The following FAM53A variants were observed in gnomAD, a reference collection of about 807,000 sequenced individuals.
FAM53A encodes the protein protein FAM53A.
In FAM53A, 28 loss-of-function variants were observed where a neutral mutation model predicts 26.6. The observed-to-expected ratio is 1.05, with a 90% CI of 0.78 to 1.45. The LOEUF is 1.45. Ranked by LOEUF, FAM53A falls within the 40% of genes most tolerant of loss-of-function variation. The pLI is 0.00. For missense variants in FAM53A, 650 were observed against 575.8 expected (o/e 1.13, Z -1.32); for synonymous variants, 290 against 253.1 (o/e 1.15, Z -1.38).
chr4:1,676,023 G>C (rs1273705206), intron 1 of FAM53A, among the ~76,000 whole-genome samples: 1 of 152,236 alleles, frequency 6.6e-6, no homozygotes, highest in Non-Finnish European at 1.5e-5. Flanking sequence ...CCTCCAAAAA[G>C]GCACCAAAGC....
the FAM53A span, among the ~76,000 whole-genome samples, chr4:1,611,097 G>A: frequency 3.9e-5 from 6 of 152,228 alleles, no homozygotes; most frequent in African/African-American, 9.6e-5. Context: ...GGCACAGAAC[G>A]GGGCCTCTGG....
intron 2 of FAM53A, 80 bp from the exon 3 acceptor site, chr4:1,657,548 G>A: frequency 1.7e-6 from 2 of 1,180,024 alleles, no homozygotes; most frequent in Non-Finnish European, 2.5e-6. Flanking sequence ...CATCACTGCA[G>A]CACGTTCTAC....
the FAM53A span, among the ~76,000 whole-genome samples, chr4:1,598,895 G>C: frequency 2.0e-5 from 3 of 152,256 alleles, no homozygotes; most frequent in Non-Finnish European, 4.4e-5. Flanking sequence ...ATAAATGTTG[G>C]AGTCATGATT....
intron 1 of FAM53A, among the ~76,000 whole-genome samples, chr4:1,671,052 G>A (rs370529173): frequency 5.2e-5 from 7 of 135,746 alleles, no homozygotes; most frequent in East Asian, 2.2e-4. Flanking sequence ...CTGTCCCAGC[G>A]TCAGAGCCAC....
intron 4 of FAM53A, among the ~76,000 whole-genome samples, chr4:1,643,752 C>T (rs56145234): frequency 0.2 from 30,453 of 151,438 alleles, 3,624 homozygotes; most frequent in Middle Eastern, 0.28. Context: ...TTTTCTGTAG[C>T]GATGGGGTCT....
At chr4:1,597,977 C>T in the FAM53A span, among the ~76,000 whole-genome samples, 1 of 152,234 alleles carries the variant, frequency 6.6e-6, no homozygotes, top group African/African-American at 2.4e-5. Context: ...GCCTCGGCAA[C>T]AGAGCGAGGC....
chr4:1,614,620 C>A (rs922802099), downstream of FAM53A, among the ~76,000 whole-genome samples: 2 of 152,118 alleles, frequency 1.3e-5, no homozygotes, highest in African/African-American at 4.8e-5. Flanking sequence ...GGTCAGCCGT[C>A]GCTGCCCCTG....
chr4:1,663,982 G>A (rs771474838), intron 2 of FAM53A, among the ~76,000 whole-genome samples: 5 of 152,190 alleles, frequency 3.3e-5, no homozygotes, highest in South Asian at 2.1e-4. Flanking sequence ...CGCACGAGGC[G>A]GCAGCCGGGG....
At chr4:1,666,613 C>G (rs895260512) in intron 2 of FAM53A, among the ~76,000 whole-genome samples, 4 of 152,276 alleles carry the variant, frequency 2.6e-5, no homozygotes, top group African/African-American at 4.8e-5. Flanking sequence ...CAAAAATGTC[C>G]TCAGAGGCAC....
intron 1 of FAM53A, among the ~76,000 whole-genome samples, chr4:1,674,498 T>C (rs1714895574): frequency 6.6e-6 from 1 of 152,000 alleles, no homozygotes; most frequent in Non-Finnish European, 1.5e-5. Context: ...TGAAATCCTG[T>C]CTCTACTAAA....
Position 1,661,650 on chromosome 4 carries a change from A to AC in FAM53A, c.76-4183dup, listed in dbSNP as rs145428902. 2.3e-3 allele frequency among the ~76,000 whole-genome samples: 330 copies of AC among 144,850 alleles called. 13 individuals carry two copies. The East Asian group carries it at 0.045, about 20-fold the overall frequency. ...GGCCTTTGCCCACCCCAACATTAAG[A>AC]CCCCGCCCATCTTCCAGCACTCAGC... On this transcript the variant is annotated intron_variant, in intron 2 of 4. Coordinates refer to ENST00000308132, the MANE Select transcript of FAM53A (RefSeq NM_001174070.3).
intron 4 of FAM53A, chr4:1,644,092 ACT>A: frequency 6.9e-7 from 1 of 1,452,126 alleles, no homozygotes; most frequent in Middle Eastern, 1.8e-4. Flanking sequence ...GACCTTGCAG[ACT>A]CTGGCTGCCG....
downstream of FAM53A, among the ~76,000 whole-genome samples, chr4:1,638,772 GC>G (rs1238575064): frequency 3.1e-5 from 4 of 130,696 alleles, no homozygotes; most frequent in Non-Finnish European, 6.5e-5. Context: ...CTGGTGAGGG[GC>G]CCCTGGGCTG....
chr4:1,585,552 G>A, the FAM53A span, among the ~76,000 whole-genome samples: 1 of 151,974 alleles, frequency 6.6e-6, no homozygotes, highest in South Asian at 2.1e-4. Context: ...CCAAAGTGCT[G>A]AGATTACAGG....
the FAM53A span, among the ~76,000 whole-genome samples, chr4:1,584,651 G>A: frequency 6.6e-6 from 1 of 152,212 alleles, no homozygotes; most frequent in South Asian, 2.1e-4. Context: ...GCTGGCAATG[G>A]AGGCTGGCTG....
At chr4:1,661,916 G>A (rs561286480) in intron 2 of FAM53A, among the ~76,000 whole-genome samples, 4 of 152,208 alleles carry the variant, frequency 2.6e-5, no homozygotes, top group East Asian at 3.9e-4. Context: ...ACCGCCGGAC[G>A]GATCTCCAGG....
the FAM53A span, among the ~76,000 whole-genome samples, chr4:1,590,975 T>C: frequency 8.9e-3 from 1,130 of 126,752 alleles, 47 homozygotes; most frequent in African/African-American, 0.027. Context: ...TATATATATA[T>C]ATATATATAT....
At chr4:1,645,500 C>T (rs1418178883) in intron 4 of FAM53A, among the ~76,000 whole-genome samples, 1 of 152,244 alleles carries the variant, frequency 6.6e-6, no homozygotes, top group African/African-American at 2.4e-5. Flanking sequence ...GAGGGGCACA[C>T]AGCCTTACAA....
chr4:1,677,126 G>A lies in FAM53A; in HGVS notation c.-165+7107C>T, dbSNP rs756551303. Among the ~76,000 whole-genome samples the A allele has an allele frequency of 4.1e-4, 63 of 152,302 alleles. 1 individual carries two copies. Among genetic ancestry groups the A allele is most frequent in the Middle Eastern group, 3.4e-3 (1 of 294 alleles). On this transcript the variant is annotated intron_variant, in intron 1 of 4. Transcript: ENST00000308132. ...TGCAGCTTCCTGAGAAGGGGGGCAC[G>A]TGAAGACCACACCTCTTCTCTCCTC...
Sources: gnomAD v4.1 joint callset for allele counts (sites outside exome capture counted in the v4.1 genomes callset) on GRCh38, gnomAD v4.1.1 for gene constraint, MANE v1.5 for transcripts, NCBI Gene and HGNC (gene_info 2026-07-23, HGNC 2026-07-21) for gene names.